Variants in FAXDC2 observed in about 807,000 individuals in gnomAD.
FAXDC2 encodes fatty acid hydroxylase domain-containing protein 2.
Under a neutral mutation model 40.9 loss-of-function variants are expected in FAXDC2, and 41 were observed. That is an observed-to-expected ratio of 1.00 (90% CI 0.78 to 1.30). FAXDC2 has a LOEUF of 1.30. FAXDC2 is among the 50% of genes most tolerant of loss of function. The pLI, the probability that FAXDC2 is intolerant of heterozygous loss-of-function variation, is 0.00. For synonymous variants in FAXDC2, 157 were observed against 149.3 expected (o/e 1.05, Z -0.38); for missense variants, 390 against 408.8 (o/e 0.95, Z 0.40).
At chr5:154,838,087 T>G in intron 2 of FAXDC2, 44 bp downstream of exon 2, 1 of 1,331,722 alleles carries the variant, frequency 7.5e-7, no homozygotes, top group South Asian at 1.2e-5. Flanking sequence ...AAAGAGCCAC[T>G]GACTACATTC....
intron 1 of FAXDC2, among the ~76,000 whole-genome samples, chr5:154,849,865 C>T (rs755135056): frequency 1.7e-4 from 26 of 152,318 alleles, no homozygotes; most frequent in African/African-American, 5.3e-4. Flanking sequence ...CAATAACCTT[C>T]GTGGAGTGTT....
intron 4 of FAXDC2, among the ~76,000 whole-genome samples, chr5:154,833,845 T>C (rs1436402069): frequency 6.6e-6 from 1 of 151,580 alleles, no homozygotes; most frequent in Non-Finnish European, 1.5e-5. Context: ...TTTTTTTGTA[T>C]TTTTAGTAGA....
chr5:154,836,036 A>C (rs1327905850), intron 2 of FAXDC2: 1 of 151,484 alleles, frequency 6.6e-6, no homozygotes, highest in African/African-American at 2.4e-5. Flanking sequence ...GATTACAGGC[A>C]CCTGCCACCA....
intron 1 of FAXDC2, among the ~76,000 whole-genome samples, chr5:154,846,278 G>GTA (rs1271511818): frequency 6.6e-6 from 1 of 151,670 alleles, no homozygotes; most frequent in Non-Finnish European, 1.5e-5. Flanking sequence ...TAGTGTGTGT[G>GTA]TGTGTGTGTG....
At chr5:154,838,003 G>A (rs1760393367) in intron 2 of FAXDC2, 128 bp downstream of exon 2, 1 of 662,892 alleles carries the variant, frequency 1.5e-6, no homozygotes, top group Non-Finnish European at 2.7e-6. Flanking sequence ...TACTGAAAAT[G>A]AAGACATTAC....
At position 154,834,854 on chromosome 5, in the gene FAXDC2, G is replaced by A; in HGVS notation, c.129C>T (p.Asn43=). ...TGGAGCCGACTTACCATGTCACTGA[G>A]TTCCAGAAGGCCACAAATGAGAGAA... is the stretch of plus-strand genomic sequence containing the variant. ...SGLLSFVAFW[N]SVTWHLQRFW... The change falls in exon 3 of 9, where the codon AAC becomes AAT. Residue 43 remains asparagine, a synonymous_variant. Coordinates refer to ENST00000326080, the MANE Select transcript of FAXDC2 (RefSeq NM_032385.5). The A allele has an allele frequency of 1.2e-6, 2 of 1,611,208 alleles. No individual in the cohort carries two copies. Among genetic ancestry groups the A allele is most frequent in the Non-Finnish European group, 1.7e-6 (2 of 1,178,380 alleles).
intron 5 of FAXDC2, among the ~76,000 whole-genome samples, chr5:154,825,720 GGAAGTGGTGA>G (rs1385053532): frequency 6.0e-5 from 9 of 148,800 alleles, no homozygotes; most frequent in East Asian, 2.0e-4. Flanking sequence ...TAATAGTGAT[GGAAGTGGTGA>G]GAAGTGGTAA....
At chr5:154,846,998 C>G (rs1760615497) in intron 1 of FAXDC2, among the ~76,000 whole-genome samples, 3 of 151,764 alleles carry the variant, frequency 2.0e-5, no homozygotes, top group Non-Finnish European at 1.5e-5. Flanking sequence ...GCATCTTGCT[C>G]TGTTGCCGAG....
chr5:154,837,207 C>T (rs1261322927), intron 2 of FAXDC2, among the ~76,000 whole-genome samples: 2 of 152,052 alleles, frequency 1.3e-5, no homozygotes, highest in African/African-American at 4.8e-5. Context: ...CATTCTCTCA[C>T]GTGCACACAC....
intron 2 of FAXDC2, among the ~76,000 whole-genome samples, chr5:154,835,690 C>G (rs1251868434): frequency 6.6e-6 from 1 of 151,806 alleles, no homozygotes; most frequent in Non-Finnish European, 1.5e-5. Flanking sequence ...ATGCCATTCT[C>G]CTGCCTCAGA....
chr5:154,844,393 A>G (rs1760548732), intron 1 of FAXDC2, among the ~76,000 whole-genome samples: 2 of 151,962 alleles, frequency 1.3e-5, no homozygotes, highest in African/African-American at 2.4e-5. Context: ...AAAAAAAAAA[A>G]AAAAGAAAAA....
intron 6 of FAXDC2, among the ~76,000 whole-genome samples, chr5:154,823,130 A>G (rs181881286): frequency 3.5e-4 from 53 of 152,076 alleles, no homozygotes; most frequent in Non-Finnish European, 6.0e-4. Context: ...TCCCACCTCA[A>G]TCTCCCAAGT....
chr5:154,821,508 AC>A, intron 7 of FAXDC2, 82 bp from the exon 8 acceptor site: 1 of 1,146,424 alleles, frequency 8.7e-7, no homozygotes, highest in Non-Finnish European at 1.2e-6. Context: ...CCAAGGTGGT[AC>A]CAGAGGCAAA....
chr5:154,831,252 G>A lies in FAXDC2; in HGVS notation c.245-330C>T, dbSNP rs932797077. 1.0e-4 allele frequency: 21 copies of A among 202,240 alleles called. 1 individual carries two copies. Among genetic ancestry groups the A allele is most frequent in the Admixed American group, 6.7e-4 (13 of 19,324 alleles). 12.5% of individuals were successfully genotyped at this position (202,240 alleles called of 1,614,324 possible). Reference sequence around the variant, plus strand: ...TTCAGGTTGACATTTGGGAGTCTGCGCCCACTGAACCCTTTATGAATTGCC... The same window carrying A: ...TTCAGGTTGACATTTGGGAGTCTGCACCCACTGAACCCTTTATGAATTGCC... On this transcript the variant is annotated intron_variant, in intron 4 of 8. Transcript: ENST00000326080.
rs368043245 is a variant in FAXDC2, at chr5:154,837,364, T to A, written c.48+767A>T. ...GGTTGGTCCAAAACTCTTGGCCTCATGTGATCTTCCAGCCTTAGTCTCCCA... is the reference window on the plus strand; with the variant it reads ...GGTTGGTCCAAAACTCTTGGCCTCAAGTGATCTTCCAGCCTTAGTCTCCCA... On this transcript the variant is annotated intron_variant, in intron 2 of 8. Coordinates refer to ENST00000326080, the MANE Select transcript of FAXDC2 (RefSeq NM_032385.5). 2.4e-4 allele frequency among the ~76,000 whole-genome samples: 37 copies of A among 152,184 alleles called. No homozygotes were observed. In the East Asian group the frequency reaches 5.4e-3, roughly 22 times the overall value.
rs560388343 is a variant in FAXDC2 at position 154,836,882 on chromosome 5, C to G, written c.48+1249G>C. Among the ~76,000 whole-genome samples the G allele has an allele frequency of 1.6e-4, 25 of 152,252 alleles. 1 individual carries two copies. Among genetic ancestry groups the G allele is most frequent in the African/African-American group, 5.8e-4 (24 of 41,546 alleles). On this transcript the variant is annotated intron_variant, in intron 2 of 8. Transcript: ENST00000326080. The stretch of plus-strand genomic sequence containing the variant: ...TAGAGATGGGGTTTCGCCATGTTGG[C>G]AAGGCTGGTCTTGAACTCCTGACCT...
chr5:154,820,505 T>C, intron 8 of FAXDC2, 33 bp from the exon 9 acceptor site: 1 of 1,567,558 alleles, frequency 6.4e-7, no homozygotes, highest in Non-Finnish European at 8.7e-7. Context: ...GCAGTGCCCA[T>C]GCTGGAGGCT....
At chr5:154,824,218 T>C (rs1008738431) in intron 5 of FAXDC2, 2 of 486,218 alleles carry the variant, frequency 4.1e-6, no homozygotes, top group Non-Finnish European at 7.5e-6. Flanking sequence ...GTCCCAAGTG[T>C]CCAAAGTCCA....
At chr5:154,841,839 G>A (rs1760481928) in intron 1 of FAXDC2, among the ~76,000 whole-genome samples, 2 of 151,508 alleles carry the variant, frequency 1.3e-5, no homozygotes, top group South Asian at 4.2e-4. Flanking sequence ...TGGTTCAAGC[G>A]ATTATCCTGC....
Sources: allele counts gnomAD v4.1 joint callset (sites outside exome capture counted in the v4.1 genomes callset), GRCh38; gene constraint gnomAD v4.1.1; transcripts MANE v1.5; gene names NCBI Gene and HGNC (gene_info 2026-07-23, HGNC 2026-07-21).